The following EPS15L1 variants were observed in gnomAD, a reference collection of about 807,000 sequenced individuals.
EPS15L1 encodes the protein epidermal growth factor receptor pathway substrate 15 like 1.
EPS15L1 carries 43 observed loss-of-function variants against 117.1 expected under a neutral mutation model. The ratio of observed to expected loss-of-function variants is 0.37; its 90% CI spans 0.29 to 0.47. EPS15L1 has a LOEUF of 0.47. EPS15L1 is among the 20% of genes least tolerant of loss of function. The probability of loss-of-function intolerance (pLI) is 0.99; values close to 1 mark genes in which losing one functional copy is unlikely to be tolerated. For synonymous variants in EPS15L1, 459 were observed against 470.5 expected (o/e 0.98, Z 0.32); for missense variants, 981 against 1,164.0 (o/e 0.84, Z 2.29).
In EPS15L1 at chr19:16,402,604, T is replaced by C. The variant is rs114925949; in HGVS notation, c.1627-119A>G. The C allele has an allele frequency of 3.4e-3, 3,190 of 951,096 alleles. 58 individuals are homozygous for C. In the African/African-American group the frequency reaches 0.046, roughly 14 times the overall value. The allele number at this position is 951,096 out of a possible 1,614,324, so 58.9% of individuals were successfully genotyped here. ...TCACCCAGACTGGAATGTAGTGGAG[T>C]GATCATAGCTCACTGTAGCCTTGAG... On this transcript the variant is annotated intron_variant, in intron 15 of 23. Coordinates refer to ENST00000455140, the MANE Select transcript of EPS15L1 (RefSeq NM_001258374.3).
intron 21 of EPS15L1, among the ~76,000 whole-genome samples, chr19:16,379,637 A>T (rs2092337996): frequency 6.6e-6 from 1 of 152,106 alleles, no homozygotes; most frequent in Non-Finnish European, 1.5e-5. Context: ...TGACACGGCC[A>T]TCTAGGCCTT....
intron 12 of EPS15L1, among the ~76,000 whole-genome samples, chr19:16,414,678 C>T (rs1326706711): frequency 4.6e-5 from 7 of 150,678 alleles, no homozygotes; most frequent in Non-Finnish European, 2.9e-5. Context: ...GAATTATAGG[C>T]GTGAGCCAAC....
chr19:16,420,313 C>G (rs1288642333), intron 10 of EPS15L1, among the ~76,000 whole-genome samples: 1 of 152,184 alleles, frequency 6.6e-6, no homozygotes, highest in Admixed American at 6.5e-5. Context: ...AATTACTTTC[C>G]CTCTACTGAC....
intron 21 of EPS15L1, among the ~76,000 whole-genome samples, chr19:16,378,362 C>T (rs1270007726): frequency 6.6e-6 from 1 of 152,106 alleles, no homozygotes; most frequent in Admixed American, 6.5e-5. Context: ...CACTGACCCC[C>T]CAGCCGCTGA....
At chr19:16,448,553 G>A (rs1033969129) in intron 1 of EPS15L1, among the ~76,000 whole-genome samples, 1 of 148,974 alleles carries the variant, frequency 6.7e-6, no homozygotes, top group Non-Finnish European at 1.5e-5. Flanking sequence ...AAAAAGGGGG[G>A]GGGAGAAAGG....
In EPS15L1 at chr19:16,404,531, C is replaced by A. The variant is rs1048414574; in HGVS notation, c.1428+57G>T. 2 of 1,596,464 alleles carry A rather than the reference C, an allele frequency of 1.3e-6. No homozygotes were observed. The highest frequency in any genetic ancestry group is 1.3e-5 in the African/African-American group (1 of 74,562). Reference sequence around the variant, plus strand: ...CCAGGTAACACGAGCTCAGGGGAGTCCTTGGGAAGCCCCTGCCTGTGCATA... The same window carrying A: ...CCAGGTAACACGAGCTCAGGGGAGTACTTGGGAAGCCCCTGCCTGTGCATA... On this transcript the variant is annotated intron_variant, in intron 14 of 23. Transcript: ENST00000455140. The surrounding 1 kb of genome is among the most constrained non-coding windows in gnomAD (Gnocchi z 4.2).
At chr19:16,420,977 G>A (rs764906991) in intron 10 of EPS15L1, among the ~76,000 whole-genome samples, 2 of 152,236 alleles carry the variant, frequency 1.3e-5, no homozygotes, top group Admixed American at 6.5e-5. Flanking sequence ...CGCACCTCCC[G>A]GAGGCGGCTG....
Position 16,381,485 on chromosome 19 carries a change from A to C in EPS15L1, c.2247+3644T>G, listed in dbSNP as rs1192731426. Among the ~76,000 whole-genome samples the C allele has an allele frequency of 1.8e-4, 27 of 152,246 alleles. No homozygotes were observed. The highest frequency in any genetic ancestry group is 1.8e-3 in the Admixed American group (27 of 15,292). ...CTGTGCCTTGGTTTCTTCATCTGTA[A>C]AATGGCAAGAGTGACAGAGCTCGGA... On this transcript the variant is annotated intron_variant, in intron 21 of 23. Coordinates refer to ENST00000455140, the MANE Select transcript of EPS15L1 (RefSeq NM_001258374.3). The surrounding 1 kb of genome is among the most constrained non-coding windows in gnomAD (Gnocchi z 4.2).
At chr19:16,401,632 G>C in intron 16 of EPS15L1, 1 of 985,398 alleles carries the variant, frequency 1.0e-6, no homozygotes, top group Non-Finnish European at 1.2e-6. Context: ...GAACAGGGGG[G>C]ATGTGACCAC....
chr19:16,440,519 G>T (rs193103749), intron 4 of EPS15L1: 1 of 170,772 alleles, frequency 5.9e-6, no homozygotes, highest in Admixed American at 6.3e-5. Flanking sequence ...GGGGAGAGCT[G>T]GCAAAAGATA....
chr19:16,437,058 G>T (rs778662657), intron 5 of EPS15L1, 59 bp from the exon 6 acceptor site: 8 of 1,490,054 alleles, frequency 5.4e-6, no homozygotes, highest in Non-Finnish European at 6.5e-6. Context: ...ATAGGTGGGT[G>T]GGTTTGCTGA....
At chr19:16,449,968 GA>G (rs2093123948) in intron 1 of EPS15L1, among the ~76,000 whole-genome samples, 2 of 152,082 alleles carry the variant, frequency 1.3e-5, no homozygotes, top group African/African-American at 2.4e-5. Flanking sequence ...GAAATGAACA[GA>G]GTGGTGGTTG....
chr19:16,396,919 A>C (rs1419927252), intron 16 of EPS15L1, among the ~76,000 whole-genome samples: 1 of 151,872 alleles, frequency 6.6e-6, no homozygotes, highest in Admixed American at 6.6e-5. Flanking sequence ...ACAGTGACGA[A>C]GTAGAACAGT....
intron 7 of EPS15L1, among the ~76,000 whole-genome samples, chr19:16,433,719 C>T (rs988919868): frequency 6.6e-6 from 1 of 151,868 alleles, no homozygotes; most frequent in Middle Eastern, 3.2e-3. Flanking sequence ...GTAATCCCAG[C>T]ACTTTGGGAG....
intron 22 of EPS15L1, among the ~76,000 whole-genome samples, chr19:16,367,753 C>CAAAAAAAAA (rs60689307): frequency 2.0e-5 from 1 of 50,714 alleles, no homozygotes; most frequent in Non-Finnish European, 4.1e-5. Context: ...GGGTGCAAAG[C>CAAAAAAAAA]AAAAAAAAAA....
At chr19:16,372,526 C>CT (rs1218055124) in intron 22 of EPS15L1, among the ~76,000 whole-genome samples, 2 of 152,144 alleles carry the variant, frequency 1.3e-5, no homozygotes, top group Non-Finnish European at 2.9e-5. Context: ...TCCCTGCACG[C>CT]TTTTTTTAAC....
intron 21 of EPS15L1, among the ~76,000 whole-genome samples, chr19:16,378,373 C>A (rs542855214): frequency 4.1e-4 from 63 of 152,236 alleles, no homozygotes; most frequent in South Asian, 1.5e-3. Context: ...CAGCCGCTGA[C>A]TCAGCCTCCT....
intron 6 of EPS15L1, among the ~76,000 whole-genome samples, chr19:16,435,674 T>A (rs2092971513): frequency 6.6e-6 from 1 of 151,888 alleles, no homozygotes; most frequent in Admixed American, 6.6e-5. Context: ...TGGGATCCTC[T>A]CCTGGCCATC....
chr19:16,402,065 A>T, intron 16 of EPS15L1: 1 of 1,236,586 alleles, frequency 8.1e-7, no homozygotes. Flanking sequence ...GCAGAGATGG[A>T]GGGCATTCAA....
Sources: allele counts gnomAD v4.1 joint callset (sites outside exome capture counted in the v4.1 genomes callset), GRCh38; gene constraint gnomAD v4.1.1; non-coding constraint Gnocchi (gnomAD v3.1); transcripts MANE v1.5; gene names NCBI Gene and HGNC (gene_info 2026-07-23, HGNC 2026-07-21).